Variants in HS6ST3 observed in about 807,000 individuals in gnomAD.
HS6ST3 encodes heparan sulfate 6-O-sulfotransferase 3, also known as heparan-sulfate 6-O-sulfotransferase 3.
HS6ST3 carries 12 observed loss-of-function variants against 36.7 expected under a neutral mutation model. The observed-to-expected ratio is 0.33, with a 90% CI of 0.21 to 0.53. The LOEUF (loss-of-function observed/expected upper bound fraction) is 0.53, where lower values mean the gene tolerates loss of function less well. Ranked by LOEUF, HS6ST3 falls within the 20% of genes least tolerant of loss-of-function variation. HS6ST3 has a pLI of 0.95. For missense variants in HS6ST3, 584 were observed against 640.9 expected (o/e 0.91, Z 0.96); for synonymous variants, 240 against 257.5 (o/e 0.93, Z 0.65).
chr13:96,370,333 A>G (rs1173950526), intron 1 of HS6ST3, among the ~76,000 whole-genome samples: 1 of 152,204 alleles, frequency 6.6e-6, no homozygotes, highest in Non-Finnish European at 1.5e-5. Flanking sequence ...CTCTCCCTTC[A>G]GAACAATGAA....
intron 1 of HS6ST3, among the ~76,000 whole-genome samples, chr13:96,812,297 C>A (rs1878331773): frequency 6.6e-6 from 1 of 152,212 alleles, no homozygotes; most frequent in Admixed American, 6.5e-5. Context: ...TTCTTGCGGT[C>A]CAATATTTCC....
chr13:96,175,135 T>G (rs2054206184), intron 1 of HS6ST3, among the ~76,000 whole-genome samples: 1 of 152,358 alleles, frequency 6.6e-6, no homozygotes, highest in East Asian at 1.9e-4. Context: ...TCCCTTTTTT[T>G]GAAATCCTTT....
chr13:96,604,985 T>C (rs1051713176), intron 1 of HS6ST3, among the ~76,000 whole-genome samples: 3 of 152,112 alleles, frequency 2.0e-5, no homozygotes, highest in African/African-American at 7.2e-5. Flanking sequence ...CTGATTGGTG[T>C]AGTGAGAGGT....
At position 96,482,483 on chromosome 13, in the gene HS6ST3, G is replaced by C. The variant is rs75844522; in HGVS notation, c.708-350007G>C. The stretch of plus-strand genomic sequence containing the variant: ...TTTTTTTTTTTTTCCGTAAAGCCTA[G>C]CTTAGAGGTAGCCTTGTCTGTCCTA... On this transcript the variant is annotated intron_variant, in intron 1 of 1. Transcript: ENST00000376705. 6.0e-3 allele frequency among the ~76,000 whole-genome samples: 890 copies of C among 148,784 alleles called. 62 individuals carry two copies. The East Asian group carries it at 0.15, about 25-fold the overall frequency.
At chr13:96,193,838 T>A (rs9590370) in intron 1 of HS6ST3, among the ~76,000 whole-genome samples, 67,085 of 151,984 alleles carry the variant, frequency 0.44, 14,900 homozygotes, top group Non-Finnish European at 0.49. Context: ...TAGCCATCTT[T>A]TTATTTTGTA....
At chr13:96,532,290 C>T (rs1428339068) in intron 1 of HS6ST3, among the ~76,000 whole-genome samples, 4 of 152,230 alleles carry the variant, frequency 2.6e-5, no homozygotes, top group Non-Finnish European at 5.9e-5. Context: ...ATCCCTGCAA[C>T]TGTACTTTGA....
rs113215932 is a variant in HS6ST3, at chr13:96,641,015, G to T, written c.708-191475G>T. ...CTCTGGCTTTGTTTGTTTTGCTTCA[G>T]ATTGCTTTGGCTGTTCAGGCTCCTT... On this transcript the variant is annotated intron_variant, in intron 1 of 1. Coordinates refer to ENST00000376705, the MANE Select transcript of HS6ST3 (RefSeq NM_153456.4). 4.6e-4 allele frequency among the ~76,000 whole-genome samples: 70 copies of T among 152,018 alleles called. 2 individuals carry two copies. Among genetic ancestry groups the T allele is most frequent in the African/African-American group, 1.6e-3 (67 of 41,524 alleles).
intron 1 of HS6ST3, among the ~76,000 whole-genome samples, chr13:96,331,818 C>G (rs1317181813): frequency 2.0e-5 from 3 of 152,188 alleles, no homozygotes; most frequent in Non-Finnish European, 4.4e-5. Flanking sequence ...GACTGCTGTG[C>G]TAGCAATCAG....
chr13:96,600,512 G>A (rs1370882397), intron 1 of HS6ST3, among the ~76,000 whole-genome samples: 1 of 151,796 alleles, frequency 6.6e-6, no homozygotes, highest in African/African-American at 2.4e-5. Flanking sequence ...GGTTTTCATT[G>A]TGTGGAATAT....
At chr13:96,123,819 T>C (rs752071688) in intron 1 of HS6ST3, among the ~76,000 whole-genome samples, 8 of 152,166 alleles carry the variant, frequency 5.3e-5, no homozygotes, top group Non-Finnish European at 8.8e-5. Flanking sequence ...ATACCTTAAT[T>C]TTCACAATGA....
chr13:96,550,861 C>A lies in HS6ST3; in HGVS notation c.708-281629C>A, dbSNP rs183934066. Among the ~76,000 whole-genome samples the A allele has an allele frequency of 2.6e-4, 39 of 152,072 alleles. 1 individual carries two copies. In the East Asian group the frequency reaches 7.5e-3, roughly 29 times the overall value. On this transcript the variant is annotated intron_variant, in intron 1 of 1. Transcript: ENST00000376705. ...GATAATTTTAGGGGTAATGAAAATT[C>A]AAAAGTCAGGTCATCTCCCAGGGAG...
intron 1 of HS6ST3, among the ~76,000 whole-genome samples, chr13:96,201,367 A>G (rs2054341043): frequency 6.6e-6 from 1 of 152,124 alleles, no homozygotes; most frequent in South Asian, 2.1e-4. Context: ...GGATAATGAT[A>G]TCTTCCACCC....
Position 96,317,389 on chromosome 13 carries a change from TATATATCATGGAA to T in HS6ST3, c.707+225821_707+225833del, listed in dbSNP as rs1566322250. 9.7e-4 allele frequency among the ~76,000 whole-genome samples: 131 copies of T among 134,618 alleles called. 1 individual carries two copies. The highest frequency in any genetic ancestry group is 2.2e-3 in the African/African-American group (80 of 36,236). The allele number at this position is 134,618 out of a possible 152,430, so 88.3% of individuals were successfully genotyped here. A position where few individuals can be genotyped will look rare whatever the true frequency, so the allele number is the denominator to read the frequency against. On this transcript the variant is annotated intron_variant, in intron 1 of 1. Transcript: ENST00000376705. ...ATATAAAATTATATATATATATATA[TATATATCATGGAA>T]TATATATATATATATATCATGGAAT...
chr13:96,382,010 A>G (rs759234888), intron 1 of HS6ST3, among the ~76,000 whole-genome samples: 4 of 152,162 alleles, frequency 2.6e-5, no homozygotes, highest in Non-Finnish European at 4.4e-5. Context: ...AGTATCAAGA[A>G]GGCACGGTGG....
At chr13:96,334,438 T>C (rs752732558) in intron 1 of HS6ST3, among the ~76,000 whole-genome samples, 1 of 152,232 alleles carries the variant, frequency 6.6e-6, no homozygotes, top group Non-Finnish European at 1.5e-5. Context: ...TTCAGAACCA[T>C]GAGCCAATTA....
chr13:96,504,833 G>A (rs1030187499), intron 1 of HS6ST3, among the ~76,000 whole-genome samples: 31 of 152,148 alleles, frequency 2.0e-4, no homozygotes, highest in Admixed American at 2.0e-3. Flanking sequence ...TATATAAAAT[G>A]TTGTTACGTA....
chr13:96,355,026 T>A (rs2055202685), intron 1 of HS6ST3, among the ~76,000 whole-genome samples: 1 of 152,132 alleles, frequency 6.6e-6, no homozygotes, highest in African/African-American at 2.4e-5. Context: ...AGCATTAGAA[T>A]GTGTCCACCT....
intron 1 of HS6ST3, among the ~76,000 whole-genome samples, chr13:96,194,229 G>A (rs763014397): frequency 2.0e-5 from 3 of 152,116 alleles, no homozygotes; most frequent in Non-Finnish European, 1.5e-5. Flanking sequence ...AAATCTGCTT[G>A]TAGGAAATGC....
chr13:96,688,471 G>A (rs1025584459), intron 1 of HS6ST3, among the ~76,000 whole-genome samples: 2 of 151,990 alleles, frequency 1.3e-5, no homozygotes, highest in South Asian at 2.1e-4. Flanking sequence ...AAGATGCAGG[G>A]TGCTTTCTTC....
Sources: allele counts gnomAD v4.1 joint callset (sites outside exome capture counted in the v4.1 genomes callset), GRCh38; gene constraint gnomAD v4.1.1; transcripts MANE v1.5; gene names NCBI Gene and HGNC (gene_info 2026-07-23, HGNC 2026-07-21).